Variants in FBXO42 observed in about 807,000 individuals in gnomAD.
FBXO42 encodes F-box protein 42, also known as F-box only protein 42.
In FBXO42, 12 loss-of-function variants were observed where a neutral mutation model predicts 71.7. That is an observed-to-expected ratio of 0.17 (90% CI 0.11 to 0.27). The LOEUF (loss-of-function observed/expected upper bound fraction) is 0.27, where lower values mean the gene tolerates loss of function less well. FBXO42 is among the 10% of genes least tolerant of loss of function. The pLI is 1.00. For synonymous variants in FBXO42, 325 were observed against 327.5 expected (o/e 0.99, Z 0.08); for missense variants, 707 against 911.9 (o/e 0.78, Z 2.89).
intron 1 of FBXO42, among the ~76,000 whole-genome samples, chr1:16,326,129 C>T (rs2082448553): frequency 1.3e-5 from 2 of 151,234 alleles, no homozygotes; most frequent in Admixed American, 6.6e-5. Flanking sequence ...GATCTCGGCT[C>T]ACTGCAACCT....
intron 1 of FBXO42, among the ~76,000 whole-genome samples, chr1:16,326,338 G>T (rs1243409178): frequency 2.0e-5 from 3 of 151,510 alleles, no homozygotes; most frequent in African/African-American, 7.3e-5. Context: ...TTACAGGCAT[G>T]AGCCACCGTG....
Position 16,252,288 on chromosome 1 carries a change from C to A in FBXO42, c.1038G>T (p.Arg346=). 1 of 1,612,934 alleles carries A rather than the reference C, an allele frequency of 6.2e-7. No homozygotes were observed. Among genetic ancestry groups the A allele is most frequent in the South Asian group, 1.1e-5 (1 of 91,042 alleles). The change falls in exon 9 of 10, where the codon CGG becomes CGT. Residue 346 remains arginine, a splice_region_variant and synonymous_variant. Coordinates refer to ENST00000375592, the MANE Select transcript of FBXO42 (RefSeq NM_018994.3). This position sits in a 1 kb window ranked among gnomAD's most constrained non-coding sequence, Gnocchi z 4.4. Reference sequence around the variant, plus strand: ...GCTAGCCTGTCAGCTCCCTGCTTACCCGGCAAGCTGGATGGCACCACAGTT... The same window carrying A: ...GCTAGCCTGTCAGCTCCCTGCTTACACGGCAAGCTGGATGGCACCACAGTT... ...APELWCHPAC[R]VGQCVVVFSQ...
Position 16,294,763 on chromosome 1 carries a change from A to C in FBXO42, c.502+20T>G. On this transcript the variant is annotated intron_variant, in intron 4 of 9. Transcript: ENST00000375592. ...GGAGTCACCTGGTAAGGAGGCAAAG[A>C]TCAGCATTTCATCTCTTACCTGAAG... The C allele has an allele frequency of 6.2e-7, 1 of 1,611,648 alleles. No homozygotes were observed.
At chr1:16,257,486 G>GA (rs201112591) in intron 4 of FBXO42, among the ~76,000 whole-genome samples, 4,280 of 151,372 alleles carry the variant, frequency 0.028, 186 homozygotes, top group African/African-American at 0.091. Flanking sequence ...ACCAAATTCT[G>GA]AAAAAAAACA....
intron 1 of FBXO42, among the ~76,000 whole-genome samples, chr1:16,351,368 A>G (rs973478422): frequency 6.6e-6 from 1 of 152,224 alleles, no homozygotes; most frequent in Non-Finnish European, 1.5e-5. Context: ...CGGGGCCAGC[A>G]ACTGCCAGCA....
Position 16,352,455 on chromosome 1 carries a change from G to C in FBXO42, c.-218C>G. The C allele has an allele frequency of 2.5e-6, 1 of 398,234 alleles. No homozygotes were observed. The highest frequency in any genetic ancestry group is 4.4e-5 in the Admixed American group (1 of 22,610). 24.7% of individuals were successfully genotyped at this position (398,234 alleles called of 1,614,324 possible). A position where few individuals can be genotyped will look rare whatever the true frequency, so the allele number is the denominator to read the frequency against. ...CGCCGCCGCCGCCGCAGCTGCTGCT[G>C]CTCAGGCCGGGAGAAGACAGCGCAG... On this transcript the variant is annotated 5_prime_UTR_variant, in exon 1 of 10. Transcript: ENST00000375592.
chr1:16,285,792 G>C (rs1261393602), intron 4 of FBXO42, among the ~76,000 whole-genome samples: 1 of 152,124 alleles, frequency 6.6e-6, no homozygotes, highest in Non-Finnish European at 1.5e-5. Context: ...CTTCCTTACT[G>C]GGTGCTCCTT....
At chr1:16,271,675 A>G (rs1200106012) in intron 4 of FBXO42, among the ~76,000 whole-genome samples, 1 of 152,084 alleles carries the variant, frequency 6.6e-6, no homozygotes, top group Non-Finnish European at 1.5e-5. Flanking sequence ...TGAACATGCC[A>G]AACTCTCTTA....
chr1:16,270,759 C>T (rs1393974504), intron 4 of FBXO42, among the ~76,000 whole-genome samples: 1 of 138,982 alleles, frequency 7.2e-6, no homozygotes, highest in Non-Finnish European at 1.5e-5. Flanking sequence ...GATACACACA[C>T]ACACACACAC....
chr1:16,295,672 C>A (rs918251690), intron 3 of FBXO42, among the ~76,000 whole-genome samples: 1 of 152,164 alleles, frequency 6.6e-6, no homozygotes, highest in Non-Finnish European at 1.5e-5. Context: ...GGATTACAGG[C>A]ATGAGCCACC....
intron 1 of FBXO42, among the ~76,000 whole-genome samples, chr1:16,319,053 C>G (rs978908586): frequency 9.8e-5 from 15 of 152,298 alleles, no homozygotes; most frequent in African/African-American, 3.6e-4. Context: ...AGACCATTTA[C>G]TATGCCACCC....
At chr1:16,332,825 G>C (rs2082512516) in intron 1 of FBXO42, among the ~76,000 whole-genome samples, 4 of 152,126 alleles carry the variant, frequency 2.6e-5, no homozygotes, top group Admixed American at 2.6e-4. Context: ...ACAAGTGTGA[G>C]CCACTGCGCC....
At chr1:16,283,067 T>G (rs1174204135) in intron 4 of FBXO42, among the ~76,000 whole-genome samples, 2 of 151,958 alleles carry the variant, frequency 1.3e-5, no homozygotes, top group African/African-American at 4.8e-5. Flanking sequence ...GAACCCACAG[T>G]TTAGGTAAGC....
intron 6 of FBXO42, among the ~76,000 whole-genome samples, chr1:16,254,512 C>G (rs2081620455): frequency 6.6e-6 from 1 of 152,232 alleles, no homozygotes; most frequent in Admixed American, 6.5e-5. Context: ...ATGGCAGTCT[C>G]TCTTTCATGG....
intron 3 of FBXO42, among the ~76,000 whole-genome samples, chr1:16,300,601 A>C (rs2100544060): frequency 6.6e-6 from 1 of 152,328 alleles, no homozygotes. Flanking sequence ...CTATGCTGTC[A>C]TGTGTCTCAC....
At chr1:16,264,549 G>A (rs59391636) in intron 4 of FBXO42, among the ~76,000 whole-genome samples, 7,437 of 152,240 alleles carry the variant, frequency 0.049, 579 homozygotes, top group African/African-American at 0.17. Context: ...CATCAAGCAC[G>A]ACAGGACCAA....
chr1:16,279,455 G>A (rs1294435476), intron 4 of FBXO42, among the ~76,000 whole-genome samples: 1 of 152,028 alleles, frequency 6.6e-6, no homozygotes, highest in Admixed American at 6.6e-5. Context: ...CAAACAAACA[G>A]GAAGAGATAT....
At chr1:16,274,760 T>TG (rs1397859987) in intron 4 of FBXO42, among the ~76,000 whole-genome samples, 1 of 150,446 alleles carries the variant, frequency 6.6e-6, no homozygotes, top group Non-Finnish European at 1.5e-5. Flanking sequence ...CCCAGCTAAT[T>TG]TTTTGTATTT....
In FBXO42 at chr1:16,279,110, C is replaced by T. The variant is rs189796223; in HGVS notation, c.502+15673G>A. 9.9e-4 allele frequency among the ~76,000 whole-genome samples: 151 copies of T among 152,254 alleles called. 1 individual carries two copies. Among genetic ancestry groups the T allele is most frequent in the African/African-American group, 3.3e-3 (138 of 41,544 alleles). On this transcript the variant is annotated intron_variant, in intron 4 of 9. Transcript: ENST00000375592. Reference sequence around the variant, plus strand: ...ATTTCTGAACAGTTCTAGCACTGGTCGTGCTCCCTATCCAATTTTTAAGGA... The same window carrying T: ...ATTTCTGAACAGTTCTAGCACTGGTTGTGCTCCCTATCCAATTTTTAAGGA...
Sources: allele counts gnomAD v4.1 joint callset (sites outside exome capture counted in the v4.1 genomes callset), GRCh38; gene constraint gnomAD v4.1.1; non-coding constraint Gnocchi (gnomAD v3.1); transcripts MANE v1.5; gene names NCBI Gene and HGNC (gene_info 2026-07-23, HGNC 2026-07-21).